GRIA1: variants seen among roughly 807,000 people sequenced by gnomAD.
The protein encoded by GRIA1 is glutamate receptor 1.
A neutral mutation model predicts 99.2 loss-of-function variants in GRIA1; 31 were observed. The observed-to-expected ratio is 0.31, with a 90% CI of 0.23 to 0.42. GRIA1 has a LOEUF of 0.42. Among genes scored for constraint, GRIA1 ranks in the 10% least tolerant of loss-of-function variants. GRIA1 has a pLI of 1.00. For synonymous variants in GRIA1, 438 were observed against 432.4 expected (o/e 1.01, Z -0.16); for missense variants, 782 against 1,157.5 (o/e 0.68, Z 4.71).
At chr5:153,515,051 G>T (rs376626275) in intron 2 of GRIA1, among the ~76,000 whole-genome samples, 4 of 152,002 alleles carry the variant, frequency 2.6e-5, no homozygotes, top group South Asian at 4.2e-4. Flanking sequence ...CAATATGAAG[G>T]TTTCTCAAAA....
chr5:153,738,733 T>TTTTTTTTTTTTTTTTTTG (rs1761565566), intron 11 of GRIA1, among the ~76,000 whole-genome samples: 1 of 148,134 alleles, frequency 6.8e-6, no homozygotes, highest in Non-Finnish European at 1.5e-5. Context: ...TTTTTTTTTT[T>TTTTTTTTTTTTTTTTTTG]TTTTTGGAGA....
chr5:153,748,494 ATCT>A (rs1430476771), intron 11 of GRIA1, among the ~76,000 whole-genome samples: 5 of 152,220 alleles, frequency 3.3e-5, no homozygotes, highest in African/African-American at 1.2e-4. Context: ...TTTGGATTTT[ATCT>A]TCTAAGTGGG....
intron 5 of GRIA1, among the ~76,000 whole-genome samples, chr5:153,664,311 T>A (rs80177638): frequency 0.047 from 7,119 of 152,114 alleles, 184 homozygotes; most frequent in Middle Eastern, 0.088. Flanking sequence ...GCAGCAAAGG[T>A]TACTGAGGCA....
intron 2 of GRIA1, among the ~76,000 whole-genome samples, chr5:153,632,203 C>A (rs533641378): frequency 6.6e-6 from 1 of 152,232 alleles, no homozygotes; most frequent in East Asian, 1.9e-4. Flanking sequence ...ATTAAAGTGA[C>A]AAAGGCAAGT....
chr5:153,565,193 C>T (rs192332611), intron 2 of GRIA1, among the ~76,000 whole-genome samples: 94 of 152,260 alleles, frequency 6.2e-4, no homozygotes, highest in Non-Finnish European at 5.7e-4. Context: ...ACTTCTATGG[C>T]GGACTTATGT....
chr5:153,664,891 C>A (rs1755634096), intron 5 of GRIA1, among the ~76,000 whole-genome samples: 1 of 152,162 alleles, frequency 6.6e-6, no homozygotes, highest in Admixed American at 6.5e-5. Context: ...GGCTTTTCAT[C>A]AAAAGATGGG....
intron 13 of GRIA1, among the ~76,000 whole-genome samples, chr5:153,789,900 T>C (rs1405096215): frequency 6.6e-6 from 1 of 152,208 alleles, no homozygotes; most frequent in African/African-American, 2.4e-5. Context: ...GTTGTTGTTG[T>C]TGTTATTTAT....
intron 5 of GRIA1, among the ~76,000 whole-genome samples, chr5:153,656,414 T>TATATATATA (rs1754968532): frequency 6.8e-6 from 1 of 146,948 alleles, no homozygotes; most frequent in East Asian, 2.0e-4. Flanking sequence ...TATATATATA[T>TATATATATA]TTGTTTTAAT....
intron 2 of GRIA1, among the ~76,000 whole-genome samples, chr5:153,562,836 A>G (rs879886715): frequency 5.3e-5 from 8 of 152,188 alleles, no homozygotes; most frequent in Non-Finnish European, 1.2e-4. Context: ...TCCATTTACA[A>G]TTTCTTAAAA....
At chr5:153,701,735 C>T (rs983687200) in intron 10 of GRIA1, among the ~76,000 whole-genome samples, 9 of 151,458 alleles carry the variant, frequency 5.9e-5, no homozygotes, top group South Asian at 4.2e-4. Context: ...TGGGGAAGAA[C>T]CAAGTGATTT....
chr5:153,653,077 G>A (rs1176067633), intron 4 of GRIA1, among the ~76,000 whole-genome samples: 2 of 152,122 alleles, frequency 1.3e-5, no homozygotes, highest in African/African-American at 4.8e-5. Context: ...TAAGCTCGAC[G>A]ATGCCAGGGA....
intron 5 of GRIA1, among the ~76,000 whole-genome samples, chr5:153,668,702 C>A (rs1256443301): frequency 6.6e-6 from 1 of 152,178 alleles, no homozygotes; most frequent in Non-Finnish European, 1.5e-5. Flanking sequence ...CACTAATAGG[C>A]TTCAGATAAA....
At chr5:153,555,090 A>G (rs1325882132) in intron 2 of GRIA1, among the ~76,000 whole-genome samples, 1 of 152,174 alleles carries the variant, frequency 6.6e-6, no homozygotes, top group South Asian at 2.1e-4. Flanking sequence ...TTCTTAGCAT[A>G]CAGCAGCCTG....
chr5:153,752,144 G>A (rs1049491839), intron 11 of GRIA1, among the ~76,000 whole-genome samples: 1 of 152,202 alleles, frequency 6.6e-6, no homozygotes, highest in Non-Finnish European at 1.5e-5. Flanking sequence ...AAGAATGATA[G>A]TGGTTTAATG....
chr5:153,730,214 G>A (rs1160473794), intron 11 of GRIA1, among the ~76,000 whole-genome samples: 3 of 152,066 alleles, frequency 2.0e-5, no homozygotes, highest in African/African-American at 7.2e-5. Flanking sequence ...TTTCTAACAA[G>A]CTCTCAGGTG....
rs745933554 is a variant in GRIA1, at chr5:153,706,105, T to TG, written c.1823+40dup. 2.4e-5 allele frequency: 38 copies of TG among 1,591,014 alleles called. No individual in the cohort carries two copies. The South Asian group carries it at 3.6e-4, about 15-fold the overall frequency. On this transcript the variant is annotated intron_variant, in intron 11 of 15. Coordinates refer to ENST00000285900, the MANE Select transcript of GRIA1 (RefSeq NM_000827.4). ...TTCTCAATCCCTTTGCCTAATGCTA[T>TG]GGTTTTGTTTGTTTGTTTGTTTGTT...
intron 2 of GRIA1, among the ~76,000 whole-genome samples, chr5:153,636,029 C>T (rs139236424): frequency 6.6e-6 from 1 of 152,314 alleles, no homozygotes; most frequent in Non-Finnish European, 1.5e-5. Flanking sequence ...AATCAGCAAG[C>T]AGTGGTCTTC....
At chr5:153,491,749 A>G (rs752491808) in intron 1 of GRIA1, among the ~76,000 whole-genome samples, 7 of 152,124 alleles carry the variant, frequency 4.6e-5, no homozygotes, top group South Asian at 2.1e-4. Context: ...TTGGCTCTCC[A>G]TTATCCTTGT....
At chr5:153,526,867 C>T (rs1757648925) in intron 2 of GRIA1, among the ~76,000 whole-genome samples, 1 of 152,142 alleles carries the variant, frequency 6.6e-6, no homozygotes, top group East Asian at 1.9e-4. Context: ...TGACTCTATG[C>T]TAAATTTTAA....
Sources: allele counts gnomAD v4.1 joint callset (sites outside exome capture counted in the v4.1 genomes callset), GRCh38; gene constraint gnomAD v4.1.1; transcripts MANE v1.5; gene names NCBI Gene and HGNC (gene_info 2026-07-23, HGNC 2026-07-21).